Variants in TDRD9 observed in about 807,000 individuals in gnomAD.
TDRD9 encodes tudor domain containing 9.
Under a neutral mutation model 172.6 loss-of-function variants are expected in TDRD9, and 124 were observed. The observed-to-expected ratio is 0.72, with a 90% CI of 0.62 to 0.83. The LOEUF (loss-of-function observed/expected upper bound fraction) is 0.83, where lower values mean the gene tolerates loss of function less well. Among genes scored for constraint, TDRD9 ranks in the 40% least tolerant of loss-of-function variants. The pLI is 0.00. For synonymous variants in TDRD9, 619 were observed against 617.1 expected, an observed-to-expected ratio of 1.00 and a Z score of -0.05; for missense variants, 1,479 against 1,714.1, an observed-to-expected ratio of 0.86 and a Z score of 2.42.
chr14:103,960,207 G>A (rs138840506), intron 2 of TDRD9, among the ~76,000 whole-genome samples: 3 of 152,248 alleles, frequency 2.0e-5, no homozygotes, highest in African/African-American at 4.8e-5. Flanking sequence ...AATATATAGT[G>A]TGTAGATTTG....
chr14:103,986,454 T>C (rs1157752150), intron 8 of TDRD9, 134 bp downstream of exon 8: 1 of 639,694 alleles, frequency 1.6e-6, no homozygotes, highest in Admixed American at 3.6e-5. Context: ...GTATATATTT[T>C]AAAATCAGGT....
In TDRD9 at chr14:103,986,255, G is replaced by A. The variant is rs1216456241; in HGVS notation, c.1050G>A (p.Lys350=). 41 of 1,613,298 alleles carry A rather than the reference G, an allele frequency of 2.5e-5. No individual in the cohort carries two copies. The highest frequency in any genetic ancestry group is 3.4e-5 in the Non-Finnish European group (40 of 1,179,642). ...PHLLEEPVIT[K]DIYEVAVSLI... is the part of the protein sequence containing the mutation. Reference sequence around the variant, plus strand: ...TCCTGGAGGAACCGGTGATAACTAAGGATATATATGAAGTTGCTGTCTCTC... The same window carrying A: ...TCCTGGAGGAACCGGTGATAACTAAAGATATATATGAAGTTGCTGTCTCTC... The change falls in exon 8 of 36, where the codon AAG becomes AAA. Residue 350 remains lysine, a synonymous_variant. Transcript: ENST00000409874.
intron 19 of TDRD9, among the ~76,000 whole-genome samples, 169 bp downstream of exon 19, chr14:104,007,373 C>T (rs770823598): frequency 3.3e-5 from 5 of 152,146 alleles, no homozygotes; most frequent in Admixed American, 1.3e-4. Context: ...CCATAATCTC[C>T]GCAGACTGGT....
chr14:104,038,936 C>T (rs1283744310), intron 32 of TDRD9, among the ~76,000 whole-genome samples: 1 of 152,188 alleles, frequency 6.6e-6, no homozygotes, highest in Non-Finnish European at 1.5e-5. Flanking sequence ...TCCCAAAGTG[C>T]TGGGATTACA....
chr14:104,004,191 TTAAAG>T, intron 13 of TDRD9, 42 bp from the exon 14 acceptor site: 1 of 927,430 alleles, frequency 1.1e-6, no homozygotes, highest in Non-Finnish European at 1.7e-6. Context: ...CATGCTGATG[TTAAAG>T]TAATTAATGC....
chr14:103,964,677 A>C (rs1393369083), intron 3 of TDRD9, among the ~76,000 whole-genome samples: 2 of 152,048 alleles, frequency 1.3e-5, no homozygotes, highest in Non-Finnish European at 2.9e-5. Flanking sequence ...CAGGCGCGCT[A>C]CCATGCCCAG....
intron 30 of TDRD9, among the ~76,000 whole-genome samples, chr14:104,033,209 A>T (rs1429243619): frequency 6.6e-6 from 1 of 152,170 alleles, no homozygotes; most frequent in Non-Finnish European, 1.5e-5. Context: ...CGGGGAGCAC[A>T]TTGGAAATGC....
intron 34 of TDRD9, among the ~76,000 whole-genome samples, chr14:104,048,303 A>T (rs2035839848): frequency 6.6e-6 from 1 of 152,154 alleles, no homozygotes; most frequent in South Asian, 2.1e-4. Flanking sequence ...CAGTGATGTG[A>T]TCATAGCTCA....
intron 8 of TDRD9, among the ~76,000 whole-genome samples, chr14:103,990,175 C>T (rs891918143): frequency 2.0e-5 from 3 of 152,206 alleles, no homozygotes; most frequent in African/African-American, 4.8e-5. Context: ...GATGTTCGCC[C>T]CTGGTTGTTG....
At chr14:104,029,512 A>G (rs1037514866) in intron 28 of TDRD9, among the ~76,000 whole-genome samples, 17 of 152,262 alleles carry the variant, frequency 1.1e-4, no homozygotes, top group African/African-American at 3.6e-4. Context: ...TGATTTTTGT[A>G]TACTGATTTC....
At chr14:103,966,880 A>C (rs1221390203) in intron 5 of TDRD9, 49 bp downstream of exon 5, 3 of 1,501,110 alleles carry the variant, frequency 2.0e-6, no homozygotes, top group Admixed American at 4.2e-5. Flanking sequence ...TCTCTTAAAA[A>C]AACTCTCAGA....
Position 104,007,028 on chromosome 14 carries a change from T to A in TDRD9, c.2008-132T>A, listed in dbSNP as rs2034462868. On this transcript the variant is annotated intron_variant, in intron 18 of 35. Coordinates refer to ENST00000409874, the MANE Select transcript of TDRD9 (RefSeq NM_153046.3). ...AAGTGAGTGAGGTGGAAGTCCAATT[T>A]TATGAAATTGATTGAAAAAATTAAA... 1.1e-5 allele frequency: 12 copies of A among 1,074,096 alleles called. No individual in the cohort carries two copies. The South Asian group carries it at 1.9e-4, about 17-fold the overall frequency. The allele number at this position is 1,074,096 out of a possible 1,614,324, so 66.5% of individuals were successfully genotyped here. A position where few individuals can be genotyped will look rare whatever the true frequency, so the allele number is the denominator to read the frequency against.
At chr14:104,047,090 T>C (rs1438825341) in intron 34 of TDRD9, among the ~76,000 whole-genome samples, 1 of 152,206 alleles carries the variant, frequency 6.6e-6, no homozygotes, top group African/African-American at 2.4e-5. Flanking sequence ...TTGGGGAGAA[T>C]TGCCATCCTA....
At chr14:103,962,381 A>G (rs1161991533) in intron 2 of TDRD9, among the ~76,000 whole-genome samples, 1 of 152,244 alleles carries the variant, frequency 6.6e-6, no homozygotes, top group African/African-American at 2.4e-5. Context: ...TTTAGAAGGC[A>G]GTGCTGAGCT....
intron 13 of TDRD9, among the ~76,000 whole-genome samples, chr14:103,999,471 G>C (rs564801363): frequency 2.0e-5 from 3 of 152,184 alleles, no homozygotes; most frequent in Non-Finnish European, 4.4e-5. Flanking sequence ...ACTGGGCAGA[G>C]ATGAGGGTGT....
chr14:103,954,970 A>C (rs181316956), intron 1 of TDRD9, among the ~76,000 whole-genome samples: 2 of 150,228 alleles, frequency 1.3e-5, no homozygotes, highest in Non-Finnish European at 3.0e-5. Context: ...TTTGTTGCCT[A>C]GGCTGGAGTG....
At chr14:103,960,745 G>A (rs993683253) in intron 2 of TDRD9, among the ~76,000 whole-genome samples, 4 of 152,168 alleles carry the variant, frequency 2.6e-5, no homozygotes, top group Admixed American at 1.3e-4. Context: ...AAGGGGCTAT[G>A]GTATAGACAG....
intron 34 of TDRD9, among the ~76,000 whole-genome samples, chr14:104,043,916 G>A (rs929656553): frequency 2.0e-5 from 3 of 152,164 alleles, no homozygotes; most frequent in African/African-American, 7.2e-5. Flanking sequence ...GGCCTGAAAC[G>A]CTTCCTTCCC....
At chr14:103,981,238 G>A (rs983216077) in intron 7 of TDRD9, among the ~76,000 whole-genome samples, 3 of 151,928 alleles carry the variant, frequency 2.0e-5, no homozygotes, top group East Asian at 3.9e-4. Flanking sequence ...GAGTGATGAT[G>A]GTTTACCAGT....
Sources: gnomAD v4.1 joint callset for allele counts (sites outside exome capture counted in the v4.1 genomes callset) on GRCh38, gnomAD v4.1.1 for gene constraint, MANE v1.5 for transcripts, NCBI Gene and HGNC (gene_info 2026-07-23, HGNC 2026-07-21) for gene names.